STAU1: variants seen among roughly 807,000 people sequenced by gnomAD.
STAU1 encodes the protein double-stranded RNA-binding protein Staufen homolog 1.
In STAU1, 13 loss-of-function variants were observed where a neutral mutation model predicts 62.9. That is an observed-to-expected ratio of 0.21 (90% CI 0.13 to 0.33). The LOEUF (loss-of-function observed/expected upper bound fraction) is 0.33. Among genes scored for constraint, STAU1 ranks in the 10% least tolerant of loss-of-function variants. The probability of loss-of-function intolerance (pLI) is 1.00; values close to 1 mark genes in which losing one functional copy is unlikely to be tolerated. For synonymous variants in STAU1, 269 were observed against 265.1 expected (o/e 1.01, Z -0.14); for missense variants, 571 against 712.1 (o/e 0.80, Z 2.25).
At chr20:49,214,924 A>G in the STAU1 span, among the ~76,000 whole-genome samples, 1 of 152,250 alleles carries the variant, frequency 6.6e-6, no homozygotes, top group African/African-American at 2.4e-5. Context: ...AGTTAGGATT[A>G]GATTCAGTTG....
chr20:49,125,762 G>A (rs1019706954), intron 6 of STAU1, among the ~76,000 whole-genome samples: 1 of 151,914 alleles, frequency 6.6e-6, no homozygotes, highest in Admixed American at 6.6e-5. Flanking sequence ...GCAGGAGAAT[G>A]GCGTGAACCT....
chr20:49,129,436 C>T lies in STAU1; in HGVS notation c.610-4849G>A, dbSNP rs577831917. Reference sequence around the variant, plus strand: ...CTGAGTACCTGGGACTACAGGTGCACACAACCATGCCCACCTAATTTTTGT... The same window carrying T: ...CTGAGTACCTGGGACTACAGGTGCATACAACCATGCCCACCTAATTTTTGT... On this transcript the variant is annotated intron_variant, in intron 6 of 13. Transcript: ENST00000371856. Among the ~76,000 whole-genome samples, 5 of 151,048 alleles carry T rather than the reference C, an allele frequency of 3.3e-5. No individual in the cohort carries two copies. In the South Asian group the frequency reaches 6.2e-4, roughly 19 times the overall value.
At chr20:49,119,525 A>G (rs949247607) in intron 9 of STAU1, among the ~76,000 whole-genome samples, 3 of 152,188 alleles carry the variant, frequency 2.0e-5, no homozygotes, top group African/African-American at 7.2e-5. Context: ...AGAAATCCCA[A>G]ACCTAAACTT....
rs374345047 is a variant in STAU1, at chr20:49,148,937, G to C, written c.510+2645C>G. 1.4e-4 allele frequency among the ~76,000 whole-genome samples: 22 copies of C among 152,220 alleles called. No individual in the cohort carries two copies. The East Asian group carries it at 4.0e-3, about 28-fold the overall frequency. On this transcript the variant is annotated intron_variant, in intron 5 of 13. Coordinates refer to ENST00000371856, the MANE Select transcript of STAU1 (RefSeq NM_017453.4). ...GTTCCCCAACCTTGACCATACCTCA[G>C]AATCACTCCAAGAGCTCATTAACAA...
the STAU1 span, among the ~76,000 whole-genome samples, chr20:49,216,226 T>A: frequency 6.7e-6 from 1 of 149,906 alleles, no homozygotes. Context: ...CCTTATATCT[T>A]AAAAAAAAAT....
At chr20:49,143,303 A>T (rs2093050481) in intron 5 of STAU1, among the ~76,000 whole-genome samples, 1 of 152,214 alleles carries the variant, frequency 6.6e-6, no homozygotes, top group African/African-American at 2.4e-5. Context: ...GGCAACATTA[A>T]GAAAGAGGCC....
chr20:49,194,447 AG>A, the STAU1 span, among the ~76,000 whole-genome samples: 4,522 of 88,808 alleles, frequency 0.051, 152 homozygotes, highest in South Asian at 0.13. Context: ...AAAAAAAAAA[AG>A]AAAAGAAAAA....
chr20:49,210,885 C>T, the STAU1 span, among the ~76,000 whole-genome samples: 6 of 151,998 alleles, frequency 3.9e-5, no homozygotes, highest in Non-Finnish European at 5.9e-5. Context: ...GTTATGCAAC[C>T]GTAATCTCTA....
chr20:49,215,950 G>C, the STAU1 span, among the ~76,000 whole-genome samples: 1 of 126,426 alleles, frequency 7.9e-6, no homozygotes, highest in Non-Finnish European at 1.6e-5. Flanking sequence ...AGAGGTTGCA[G>C]TGAGCCAAGG....
chr20:49,154,800 A>G (rs1362327896), intron 3 of STAU1, among the ~76,000 whole-genome samples: 1 of 151,248 alleles, frequency 6.6e-6, no homozygotes, highest in African/African-American at 2.4e-5. Context: ...TGGGAGGCGG[A>G]CCTTGCAGTG....
rs2092240245 is a variant in STAU1, at chr20:49,113,804, T to C, written c.*1074A>G. The C allele has an allele frequency of 6.6e-6, 1 of 152,634 alleles. No homozygotes were observed. Among genetic ancestry groups the C allele is most frequent in the Admixed American group, 6.5e-5 (1 of 15,284 alleles). The allele number at this position is 152,634 out of a possible 1,614,324, so 9.5% of individuals were successfully genotyped here. A position where few individuals can be genotyped will look rare whatever the true frequency, so the allele number is the denominator to read the frequency against. On this transcript the variant is annotated 3_prime_UTR_variant, in exon 14 of 14. Coordinates refer to ENST00000371856, the MANE Select transcript of STAU1 (RefSeq NM_017453.4). ...CACTCTGGAAAATCACTCTGCAGGT[T>C]TATATGGACTACATGGAGATCATAT...
intron 2 of STAU1, among the ~76,000 whole-genome samples, chr20:49,168,286 G>T (rs767284428): frequency 6.6e-6 from 1 of 151,976 alleles, no homozygotes; most frequent in Non-Finnish European, 1.5e-5. Flanking sequence ...TCGCCAGGTT[G>T]GCCAGGCTGC....
At chr20:49,128,508 A>G (rs2092681463) in intron 6 of STAU1, among the ~76,000 whole-genome samples, 2 of 152,310 alleles carry the variant, frequency 1.3e-5, no homozygotes, top group South Asian at 2.1e-4. Context: ...CATTTCTATT[A>G]GAAATTTATG....
intron 6 of STAU1, among the ~76,000 whole-genome samples, chr20:49,126,508 C>T (rs2092616543): frequency 7.0e-6 from 1 of 142,376 alleles, no homozygotes; most frequent in South Asian, 2.2e-4. Flanking sequence ...ATCAAGGCTA[C>T]AGGGAGCTAT....
intron 2 of STAU1, among the ~76,000 whole-genome samples, chr20:49,170,417 C>T (rs987741820): frequency 6.6e-6 from 1 of 152,188 alleles, no homozygotes; most frequent in Non-Finnish European, 1.5e-5. Context: ...GTGGCACGAT[C>T]TTGGCTCACC....
At chr20:49,126,862 G>A (rs959485884) in intron 6 of STAU1, among the ~76,000 whole-genome samples, 4 of 150,892 alleles carry the variant, frequency 2.7e-5, no homozygotes, top group South Asian at 2.1e-4. Flanking sequence ...TGCATGGAGC[G>A]GGGTGGGGGG....
chr20:49,164,137 G>A (rs2093491384), intron 3 of STAU1, among the ~76,000 whole-genome samples: 2 of 151,974 alleles, frequency 1.3e-5, no homozygotes, highest in South Asian at 4.1e-4. Context: ...GGCTGAGGCA[G>A]GAGAATCGCT....
chr20:49,140,966 T>A (rs892712134), intron 5 of STAU1, among the ~76,000 whole-genome samples: 1 of 147,340 alleles, frequency 6.8e-6, no homozygotes, highest in Admixed American at 6.8e-5. Context: ...GAGTTTTTTT[T>A]AATAGATGAT....
At chr20:49,188,368 G>T (rs1000492714), upstream of STAU1, 1 of 151,962 alleles carries the variant, frequency 6.6e-6, no homozygotes, top group South Asian at 1.9e-4. Context: ...GGCAGGAAGT[G>T]ACGGGGGAGG....
Sources: gnomAD v4.1 joint callset for allele counts (sites outside exome capture counted in the v4.1 genomes callset) on GRCh38, gnomAD v4.1.1 for gene constraint, MANE v1.5 for transcripts, NCBI Gene and HGNC (gene_info 2026-07-23, HGNC 2026-07-21) for gene names.